TMEM132C: variants seen among roughly 807,000 people sequenced by gnomAD.
TMEM132C encodes transmembrane protein 132C, also known as protein phosphatase 1, regulatory subunit 152.
In TMEM132C, 29 loss-of-function variants were observed where a neutral mutation model predicts 61.4. That is an observed-to-expected ratio of 0.47 (90% CI 0.35 to 0.64). TMEM132C has a LOEUF of 0.64. TMEM132C is among the 30% of genes least tolerant of loss of function. The probability of loss-of-function intolerance (pLI) is 0.00; values close to 1 mark genes in which losing one functional copy is unlikely to be tolerated. For missense variants in TMEM132C, 1,408 were observed against 1,476.9 expected (o/e 0.95, Z 0.76); for synonymous variants, 656 against 633.1 (o/e 1.04, Z -0.54).
At chr12:128,407,939 A>C (rs1875404421) in intron 1 of TMEM132C, among the ~76,000 whole-genome samples, 1 of 131,210 alleles carries the variant, frequency 7.6e-6, no homozygotes, top group African/African-American at 2.7e-5. Context: ...AACAGGTCTC[A>C]ATCTCTCTTT....
chr12:128,445,944 G>A (rs550511106), intron 2 of TMEM132C, among the ~76,000 whole-genome samples: 1 of 152,246 alleles, frequency 6.6e-6, no homozygotes, highest in African/African-American at 2.4e-5. Context: ...CATAATGAAC[G>A]TGAGATACTT....
intron 3 of TMEM132C, among the ~76,000 whole-genome samples, chr12:128,546,571 C>T (rs1325142476): frequency 6.6e-6 from 1 of 152,008 alleles, no homozygotes; most frequent in Non-Finnish European, 1.5e-5. Flanking sequence ...AGTCAGCCAT[C>T]CTGAATGTTT....
At position 128,705,758 on chromosome 12, in the gene TMEM132C, C is replaced by T; in HGVS notation, c.2790C>T (p.Leu930=). 2.6e-6 allele frequency: 4 copies of T among 1,551,510 alleles called. No individual in the cohort carries two copies. The highest frequency in any genetic ancestry group is 3.5e-6 in the Non-Finnish European group (4 of 1,147,024). Residue 930 remains leucine, a synonymous_variant, in exon 9 of 9, where the codon CTC becomes CTT. Transcript: ENST00000435159. ...LSDLEIGMYA[L]LGVFCLAILV... Reference sequence around the variant, plus strand: ...ATCTGGAGATAGGGATGTACGCCCTCCTGGGGGTGTTCTGCCTGGCCATCC... The same window carrying T: ...ATCTGGAGATAGGGATGTACGCCCTTCTGGGGGTGTTCTGCCTGGCCATCC...
At chr12:128,404,370 G>A (rs1229328777) in intron 1 of TMEM132C, 1 of 152,150 alleles carries the variant, frequency 6.6e-6, no homozygotes, top group Non-Finnish European at 1.5e-5. Flanking sequence ...CACATGCTGG[G>A]ATTCTGAGCT....
At chr12:128,555,969 G>A (rs972611729) in intron 3 of TMEM132C, among the ~76,000 whole-genome samples, 5 of 152,078 alleles carry the variant, frequency 3.3e-5, no homozygotes, top group East Asian at 1.9e-4. Flanking sequence ...CTCCCACCTC[G>A]GCCTCCCAAA....
At chr12:128,287,784 T>A (rs1871120124) in intron 1 of TMEM132C, among the ~76,000 whole-genome samples, 1 of 152,202 alleles carries the variant, frequency 6.6e-6, no homozygotes, top group Admixed American at 6.5e-5. Context: ...ATGCTGTGCT[T>A]CCTTGTAATG....
chr12:128,525,546 C>A (rs79700354), intron 2 of TMEM132C, among the ~76,000 whole-genome samples: 3,931 of 152,260 alleles, frequency 0.026, 68 homozygotes, highest in Middle Eastern at 0.044. Context: ...AATAGTAACA[C>A]CATGTGCTCT....
At chr12:128,674,900 C>T (rs1400663928) in intron 5 of TMEM132C, among the ~76,000 whole-genome samples, 1 of 151,674 alleles carries the variant, frequency 6.6e-6, no homozygotes, top group East Asian at 2.0e-4. Context: ...CAGAGCTTAG[C>T]TCCCACCGGC....
chr12:128,563,016 G>A (rs1234396347), intron 3 of TMEM132C, among the ~76,000 whole-genome samples: 3 of 152,214 alleles, frequency 2.0e-5, no homozygotes, highest in Non-Finnish European at 4.4e-5. Flanking sequence ...GGAGCCTGCT[G>A]CCTTCTTTTA....
intron 4 of TMEM132C, among the ~76,000 whole-genome samples, chr12:128,626,276 A>G (rs982889927): frequency 2.7e-5 from 4 of 146,032 alleles, no homozygotes; most frequent in African/African-American, 1.0e-4. Context: ...ACAGGCGCTC[A>G]CCACCACGCC....
At chr12:128,331,857 G>C (rs1994310) in intron 1 of TMEM132C, among the ~76,000 whole-genome samples, 3 of 152,120 alleles carry the variant, frequency 2.0e-5, no homozygotes, top group Non-Finnish European at 2.9e-5. Context: ...ACTGTTTTTC[G>C]TAGAAGTTGT....
chr12:128,603,220 G>T (rs1200264231), intron 3 of TMEM132C, among the ~76,000 whole-genome samples: 1 of 152,148 alleles, frequency 6.6e-6, no homozygotes, highest in Non-Finnish European at 1.5e-5. Context: ...CTGCAGCCTT[G>T]CAGGGGCTGA....
At chr12:128,585,421 C>T (rs929885871) in intron 3 of TMEM132C, among the ~76,000 whole-genome samples, 1 of 152,044 alleles carries the variant, frequency 6.6e-6, no homozygotes, top group African/African-American at 2.4e-5. Context: ...AAGGCTAAGA[C>T]CCAACCATTC....
At chr12:128,428,766 A>T (rs940186834) in intron 2 of TMEM132C, among the ~76,000 whole-genome samples, 3 of 152,130 alleles carry the variant, frequency 2.0e-5, no homozygotes, top group Non-Finnish European at 4.4e-5. Context: ...CAAATCCTGC[A>T]CCTACAGTTT....
chr12:128,700,614 G>T (rs1220898210), intron 8 of TMEM132C, among the ~76,000 whole-genome samples: 1 of 152,152 alleles, frequency 6.6e-6, no homozygotes, highest in African/African-American at 2.4e-5. Context: ...CCTTGTTCAT[G>T]ATATTTTCAA....
At chr12:128,481,729 G>A (rs565796310) in intron 2 of TMEM132C, among the ~76,000 whole-genome samples, 10 of 152,246 alleles carry the variant, frequency 6.6e-5, no homozygotes, top group East Asian at 1.9e-4. Flanking sequence ...TGCCAGATGC[G>A]GCACTGTGCT....
chr12:128,597,894 A>C (rs2135571420), intron 3 of TMEM132C, among the ~76,000 whole-genome samples: 1 of 152,260 alleles, frequency 6.6e-6, no homozygotes, highest in South Asian at 2.1e-4. Flanking sequence ...GAGGGAGAGC[A>C]AATGCAGATG....
chr12:128,473,693 C>T (rs1170296883), intron 2 of TMEM132C, among the ~76,000 whole-genome samples: 2 of 151,914 alleles, frequency 1.3e-5, no homozygotes, highest in Non-Finnish European at 2.9e-5. Context: ...CTCACTCCAG[C>T]CTCCATCTTC....
At chr12:128,569,500 G>A (rs1009944269) in intron 3 of TMEM132C, among the ~76,000 whole-genome samples, 3 of 152,164 alleles carry the variant, frequency 2.0e-5, no homozygotes, top group Non-Finnish European at 4.4e-5. Context: ...TATACATAGT[G>A]GACAGATTTT....
Sources: allele counts gnomAD v4.1 joint callset (sites outside exome capture counted in the v4.1 genomes callset), GRCh38; gene constraint gnomAD v4.1.1; transcripts MANE v1.5; gene names NCBI Gene and HGNC (gene_info 2026-07-23, HGNC 2026-07-21).